BTBD9: variants seen among roughly 807,000 people sequenced by gnomAD.
BTBD9 encodes the protein BTB domain containing 9.
Under a neutral mutation model 64.3 loss-of-function variants are expected in BTBD9, and 49 were observed. That is an observed-to-expected ratio of 0.76 (90% confidence interval 0.61 to 0.97). The LOEUF (loss-of-function observed/expected upper bound fraction) is 0.97, where lower values mean the gene tolerates loss of function less well. Among genes scored for constraint, BTBD9 ranks in the 50% least tolerant of loss-of-function variants. The pLI, the probability that BTBD9 is intolerant of heterozygous loss-of-function variation, is 0.00. For missense variants in BTBD9, 598 were observed against 762.1 expected, an observed-to-expected ratio of 0.78 and a Z score of 2.53; for synonymous variants, 260 against 274.7, an observed-to-expected ratio of 0.95 and a Z score of 0.53.
rs771737210 is a variant in BTBD9 at position 38,222,254 on chromosome 6, G to GTTTTTTTTTTTTTTT, written c.1563-29658_1563-29657insAAAAAAAAAAAAAAA. Among the ~76,000 whole-genome samples the GTTTTTTTTTTTTTTT allele has an allele frequency of 9.3e-5, 9 of 96,702 alleles. 3 individuals are homozygous for GTTTTTTTTTTTTTTT. Among genetic ancestry groups the GTTTTTTTTTTTTTTT allele is most frequent in the South Asian group, 7.2e-4 (2 of 2,786 alleles). The allele number at this position is 96,702 out of a possible 152,430, so 63.4% of individuals were successfully genotyped here. A position where few individuals can be genotyped will look rare whatever the true frequency, so the allele number is the denominator to read the frequency against. On this transcript the variant is annotated intron_variant, in intron 9 of 10. Coordinates refer to ENST00000481247, the MANE Select transcript of BTBD9 (RefSeq NM_001099272.2). ...TAAATTAGCCTTAATAATTCATTCAGTTGTTTTTTTTTTTTTTTTTTTTTT... is the reference window on the plus strand; with the variant it reads ...TAAATTAGCCTTAATAATTCATTCAGTTTTTTTTTTTTTTTTTGTTTTTTTTTTTTTTTTTTTTTT...
chr6:38,505,002 A>G (rs1318525847), intron 6 of BTBD9, among the ~76,000 whole-genome samples: 1 of 152,200 alleles, frequency 6.6e-6, no homozygotes, highest in Non-Finnish European at 1.5e-5. Context: ...TTCTGACTCT[A>G]TTAGAACCAT....
At chr6:38,183,955 G>C (rs1322350860) in intron 10 of BTBD9, among the ~76,000 whole-genome samples, 1 of 152,208 alleles carries the variant, frequency 6.6e-6, no homozygotes, top group African/African-American at 2.4e-5. Flanking sequence ...CTACAACACA[G>C]TCTCTGCTCT....
At chr6:38,300,506 C>T (rs1028810381) in intron 7 of BTBD9, among the ~76,000 whole-genome samples, 1 of 152,134 alleles carries the variant, frequency 6.6e-6, no homozygotes, top group African/African-American at 2.4e-5. Context: ...GAATGTTCTT[C>T]CATTTGTTAG....
At chr6:38,564,914 T>C (rs1256186694) in intron 6 of BTBD9, among the ~76,000 whole-genome samples, 1 of 151,682 alleles carries the variant, frequency 6.6e-6, no homozygotes, top group Non-Finnish European at 1.5e-5. Flanking sequence ...TAAATAAAAA[T>C]AAAAAAGATC....
intron 7 of BTBD9, among the ~76,000 whole-genome samples, chr6:38,298,855 C>CTTT (rs113386216): frequency 0.026 from 3,823 of 146,166 alleles, 148 homozygotes; most frequent in African/African-American, 0.087. Context: ...GTATTTCATT[C>CTTT]TTTTTTTTTT....
intron 1 of BTBD9, among the ~76,000 whole-genome samples, chr6:38,625,185 C>T (rs562716971): frequency 2.8e-4 from 42 of 152,180 alleles, no homozygotes; most frequent in African/African-American, 1.0e-3. Context: ...CATCTAGTAG[C>T]TCATTATACA....
intron 1 of BTBD9, among the ~76,000 whole-genome samples, chr6:38,621,985 T>C (rs1777996663): frequency 6.6e-6 from 1 of 152,156 alleles, no homozygotes; most frequent in African/African-American, 2.4e-5. Context: ...TTTCTCCCCC[T>C]GGGGTGGTTA....
chr6:38,493,083 A>C lies in BTBD9; in HGVS notation c.1154+84517T>G, dbSNP rs1562259105. ...ATTCCATGAGTTTTAAAATAATAAG[A>C]AAGTGTGCTATAACCTACCGATTAC... On this transcript the variant is annotated intron_variant, in intron 6 of 10. Coordinates refer to ENST00000481247, the MANE Select transcript of BTBD9 (RefSeq NM_001099272.2). Among the ~76,000 whole-genome samples the C allele has an allele frequency of 2.0e-5, 3 of 152,244 alleles. No individual in the cohort carries two copies. The South Asian group carries it at 6.2e-4, about 32-fold the overall frequency.
chr6:38,412,327 A>G (rs771100186), intron 6 of BTBD9, among the ~76,000 whole-genome samples: 1 of 152,160 alleles, frequency 6.6e-6, no homozygotes, highest in Non-Finnish European at 1.5e-5. Context: ...ATCGGCAAGC[A>G]TCCCCAAAAC....
chr6:38,577,117 AC>A (rs1388383599), intron 6 of BTBD9, among the ~76,000 whole-genome samples: 1 of 152,202 alleles, frequency 6.6e-6, no homozygotes, highest in Non-Finnish European at 1.5e-5. Context: ...CCATTTGTTA[AC>A]CACTAACCTA....
intron 10 of BTBD9, among the ~76,000 whole-genome samples, chr6:38,177,179 G>A (rs1051180849): frequency 6.6e-6 from 1 of 152,098 alleles, no homozygotes; most frequent in Non-Finnish European, 1.5e-5. Context: ...TCCGGAGGCC[G>A]CTCCCCAGAG....
intron 7 of BTBD9, among the ~76,000 whole-genome samples, chr6:38,290,368 C>G (rs1761911044): frequency 6.6e-6 from 1 of 151,580 alleles, no homozygotes; most frequent in Admixed American, 6.6e-5. Context: ...AGTTATGGTA[C>G]TTCTATCTCC....
chr6:38,451,429 T>A (rs1044239132), intron 6 of BTBD9, among the ~76,000 whole-genome samples: 3 of 152,174 alleles, frequency 2.0e-5, no homozygotes, highest in African/African-American at 7.2e-5. Flanking sequence ...AACTTATGAG[T>A]AACTGACATT....
chr6:38,431,420 C>G (rs1372582236), intron 6 of BTBD9, among the ~76,000 whole-genome samples: 1 of 152,140 alleles, frequency 6.6e-6, no homozygotes. Context: ...CATACTATTA[C>G]CAACCCAGTT....
intron 6 of BTBD9, among the ~76,000 whole-genome samples, chr6:38,438,682 T>A (rs183503884): frequency 3.9e-5 from 6 of 152,326 alleles, no homozygotes; most frequent in Non-Finnish European, 8.8e-5. Flanking sequence ...TTATTGAGCA[T>A]TTACTATGTA....
At chr6:38,396,897 CTTTTTT>C (rs146597621) in intron 6 of BTBD9, among the ~76,000 whole-genome samples, 1 of 107,398 alleles carries the variant, frequency 9.3e-6, no homozygotes, top group Non-Finnish European at 1.8e-5. Flanking sequence ...TTTTCTTTTT[CTTTTTT>C]TTTTTTTTTT....
chr6:38,557,803 A>G (rs908590518), intron 6 of BTBD9, among the ~76,000 whole-genome samples: 3 of 152,256 alleles, frequency 2.0e-5, no homozygotes, highest in Non-Finnish European at 2.9e-5. Flanking sequence ...AGTTATTTAG[A>G]TATGAGAGTA....
At chr6:38,523,877 C>T (rs1773374832) in intron 6 of BTBD9, among the ~76,000 whole-genome samples, 1 of 152,176 alleles carries the variant, frequency 6.6e-6, no homozygotes, top group Admixed American at 6.5e-5. Context: ...ATGGCAGATT[C>T]ACGGTTCACA....
intron 6 of BTBD9, among the ~76,000 whole-genome samples, chr6:38,357,686 CACTGAG>C (rs3830791): frequency 0.43 from 64,512 of 151,414 alleles, 14,750 homozygotes; most frequent in East Asian, 0.95. Context: ...TGGGTACAAC[CACTGAG>C]ACTGTCTGGT....
Sources: gnomAD v4.1 joint callset for allele counts (sites outside exome capture counted in the v4.1 genomes callset) on GRCh38, gnomAD v4.1.1 for gene constraint, MANE v1.5 for transcripts, NCBI Gene and HGNC (gene_info 2026-07-23, HGNC 2026-07-21) for gene names.